The following RORA variants were observed in gnomAD, a reference collection of about 807,000 sequenced individuals.
The protein encoded by RORA is nuclear receptor ROR-alpha.
A neutral mutation model predicts 69.5 loss-of-function variants in RORA; 7 were observed. The ratio of observed to expected loss-of-function variants is 0.10; its 90% CI spans 0.06 to 0.19. The LOEUF is 0.19. RORA is among the 10% of genes least tolerant of loss of function. RORA has a pLI of 1.00. For missense variants in RORA, 457 were observed against 663.0 expected (o/e 0.69, Z 3.41); for synonymous variants, 261 against 240.8 (o/e 1.08, Z -0.78).
At chr15:61,008,751 A>G (rs1894998079) in intron 1 of RORA, among the ~76,000 whole-genome samples, 1 of 152,164 alleles carries the variant, frequency 6.6e-6, no homozygotes, top group Admixed American at 6.5e-5. Context: ...AACTGAGTAC[A>G]CTATGCTTTA....
intron 1 of RORA, among the ~76,000 whole-genome samples, chr15:60,707,956 G>C (rs1471533984): frequency 6.6e-6 from 1 of 152,168 alleles, no homozygotes; most frequent in African/African-American, 2.4e-5. Flanking sequence ...GATTTGTATA[G>C]AACACATTGT....
chr15:61,069,480 AG>A (rs2078309593), intron 1 of RORA, among the ~76,000 whole-genome samples: 1 of 152,216 alleles, frequency 6.6e-6, no homozygotes, highest in Non-Finnish European at 1.5e-5. Flanking sequence ...ATAAAGGCAT[AG>A]GATGCAGCGT....
At chr15:61,225,072 T>C (rs965122717) in intron 1 of RORA, among the ~76,000 whole-genome samples, 17 of 152,196 alleles carry the variant, frequency 1.1e-4, no homozygotes, top group Admixed American at 4.6e-4. Context: ...TTCAATTTTT[T>C]TTAAGAAATA....
intron 1 of RORA, among the ~76,000 whole-genome samples, chr15:60,891,004 T>C (rs911262766): frequency 2.0e-5 from 3 of 152,148 alleles, no homozygotes; most frequent in African/African-American, 7.2e-5. Context: ...TGAATAGGAT[T>C]CACAGTTCTC....
intron 1 of RORA, among the ~76,000 whole-genome samples, chr15:61,212,946 C>A (rs1281924530): frequency 6.6e-6 from 1 of 152,114 alleles, no homozygotes; most frequent in Non-Finnish European, 1.5e-5. Context: ...TCTAGCCTGG[C>A]CCTCCTAAGT....
chr15:60,838,458 C>T lies in RORA; in HGVS notation c.167-159772G>A, dbSNP rs1036588654. Among the ~76,000 whole-genome samples the T allele has an allele frequency of 8.5e-5, 13 of 152,306 alleles. No individual in the cohort carries two copies. The East Asian group carries it at 2.3e-3, about 27-fold the overall frequency. On this transcript the variant is annotated intron_variant, in intron 1 of 10. Coordinates refer to ENST00000335670, the MANE Select transcript of RORA (RefSeq NM_134261.3). ...GTCCAAGCAGACAGGCAGCAGGTCA[C>T]CGGGCCATGGGGCCAGCCTCTGTGG...
At chr15:60,498,208 C>A (rs1322033165) in intron 10 of RORA, among the ~76,000 whole-genome samples, 1 of 152,216 alleles carries the variant, frequency 6.6e-6, no homozygotes, top group African/African-American at 2.4e-5. Flanking sequence ...CAGACTCATA[C>A]AGAACCCAAG....
chr15:60,588,448 TCATCCATCCATCCATCCATC>T (rs55840229), intron 2 of RORA, among the ~76,000 whole-genome samples: 1 of 150,534 alleles, frequency 6.6e-6, no homozygotes, highest in Non-Finnish European at 1.5e-5. Context: ...GCAAATCTAT[TCATCCATCCATCCATCCATC>T]CATCCATCCA....
intron 1 of RORA, among the ~76,000 whole-genome samples, chr15:60,914,561 C>T (rs970677543): frequency 1.1e-4 from 16 of 152,190 alleles, no homozygotes; most frequent in African/African-American, 3.1e-4. Context: ...GCACACAGAA[C>T]GCAGTAAATA....
intron 1 of RORA, among the ~76,000 whole-genome samples, chr15:60,933,664 C>T (rs1473239592): frequency 1.3e-5 from 2 of 152,154 alleles, no homozygotes; most frequent in African/African-American, 4.8e-5. Context: ...TTTCAATTTC[C>T]CATCATGCCA....
chr15:61,164,160 G>A (rs1482084460), intron 1 of RORA, among the ~76,000 whole-genome samples: 1 of 151,876 alleles, frequency 6.6e-6, no homozygotes, highest in Non-Finnish European at 1.5e-5. Context: ...AAAAAAACAT[G>A]TGGAGCCTGT....
chr15:61,146,995 C>T (rs942574324), intron 1 of RORA, among the ~76,000 whole-genome samples: 2 of 151,254 alleles, frequency 1.3e-5, no homozygotes, highest in African/African-American at 4.9e-5. Context: ...ACAAGAAAAC[C>T]CTCTTCAGGC....
At position 60,906,006 on chromosome 15, in the gene RORA, C is replaced by A. The variant is rs546102867; in HGVS notation, c.167-227320G>T. Among the ~76,000 whole-genome samples, 8 of 152,304 alleles carry A rather than the reference C, an allele frequency of 5.3e-5. No homozygotes were observed. In the East Asian group the frequency reaches 7.7e-4, roughly 15 times the overall value. On this transcript the variant is annotated intron_variant, in intron 1 of 10. Transcript: ENST00000335670. ...AATCAGCAAATCTACAAAAAGACTT[C>A]TCTCTTTTAATGAGATCTTGTCTGT...
rs78689552 is a variant in RORA, at chr15:60,905,521, G to A, written c.167-226835C>T. On this transcript the variant is annotated intron_variant, in intron 1 of 10. Coordinates refer to ENST00000335670, the MANE Select transcript of RORA (RefSeq NM_134261.3). This position sits in a 1 kb window ranked among gnomAD's most constrained non-coding sequence, Gnocchi z 4.8. ...ATTAAGACACGAGTGTCATTGCTGA[G>A]CTCTTTTGTGTTTCATAGAAAGCAG... Among the ~76,000 whole-genome samples, 649 of 152,254 alleles carry A rather than the reference G, an allele frequency of 4.3e-3. 4 individuals are homozygous for A. The highest frequency in any genetic ancestry group is 5.6e-3 in the Non-Finnish European group (382 of 68,012).
intron 2 of RORA, chr15:60,592,335 C>T: frequency 1.5e-6 from 2 of 1,314,660 alleles, no homozygotes; most frequent in Non-Finnish European, 2.0e-6. Context: ...CCCTCCTCCC[C>T]GCCCCCCGGA....
At chr15:60,690,211 T>C (rs145790359) in intron 1 of RORA, among the ~76,000 whole-genome samples, 1 of 152,320 alleles carries the variant, frequency 6.6e-6, no homozygotes, top group African/African-American at 2.4e-5. Flanking sequence ...AAGTTTTAGA[T>C]GGACACATAG....
chr15:61,051,741 G>A (rs1286697063), intron 1 of RORA, among the ~76,000 whole-genome samples: 1 of 152,182 alleles, frequency 6.6e-6, no homozygotes, highest in Non-Finnish European at 1.5e-5. Flanking sequence ...ACTTCTACAT[G>A]CAAAGGAATC....
intron 1 of RORA, among the ~76,000 whole-genome samples, chr15:60,999,436 A>G (rs1421505171): frequency 1.3e-5 from 2 of 152,174 alleles, no homozygotes; most frequent in African/African-American, 2.4e-5. Flanking sequence ...CTGCTAGCTT[A>G]TATTCATGGA....
rs560435229 is a variant in RORA, at chr15:60,816,559, A to T, written c.167-137873T>A. ...AACAGTATATGTATTTATATACTGT[A>T]AACAGTATATGTATTTATATACTGT... On this transcript the variant is annotated intron_variant, in intron 1 of 10. Transcript: ENST00000335670. Among the ~76,000 whole-genome samples the T allele has an allele frequency of 8.2e-4, 108 of 131,758 alleles. 4 individuals are homozygous for T. In the South Asian group the frequency reaches 0.027, roughly 33 times the overall value. The allele number at this position is 131,758 out of a possible 152,430, so 86.4% of individuals were successfully genotyped here.
Sources: allele counts gnomAD v4.1 joint callset (sites outside exome capture counted in the v4.1 genomes callset), GRCh38; gene constraint gnomAD v4.1.1; non-coding constraint Gnocchi (gnomAD v3.1); transcripts MANE v1.5; gene names NCBI Gene and HGNC (gene_info 2026-07-23, HGNC 2026-07-21).